ASIC2: variants seen among roughly 807,000 people sequenced by gnomAD.
ASIC2 encodes the protein acid-sensing ion channel 2.
In ASIC2, 25 loss-of-function variants were observed where a neutral mutation model predicts 57.3. The ratio of observed to expected loss-of-function variants is 0.44; its 90% CI spans 0.32 to 0.61. The LOEUF is 0.61. ASIC2 is among the 20% of genes least tolerant of loss of function. The probability of loss-of-function intolerance (pLI) is 0.06; values close to 1 mark genes in which losing one functional copy is unlikely to be tolerated. For missense variants in ASIC2, 641 were observed against 738.1 expected (o/e 0.87, Z 1.52); for synonymous variants, 319 against 307.5 (o/e 1.04, Z -0.39).
chr17:33,764,819 A>T lies in ASIC2; in HGVS notation c.555+391159T>A, dbSNP rs572783933. 9.2e-5 allele frequency among the ~76,000 whole-genome samples: 14 copies of T among 151,594 alleles called. No individual in the cohort carries two copies. The South Asian group carries it at 2.3e-3, about 25-fold the overall frequency. On this transcript the variant is annotated intron_variant, in intron 1 of 9. Transcript: ENST00000359872. ...TGGAGGGGACATTCGCACAATAGCA[A>T]TGGGTATGTAAGATGGAAACCAAGC...
chr17:33,573,576 G>GT (rs1202650601), intron 1 of ASIC2, among the ~76,000 whole-genome samples: 11 of 151,976 alleles, frequency 7.2e-5, no homozygotes, highest in Non-Finnish European at 1.5e-4. Flanking sequence ...GTTTTGTTTT[G>GT]TTTTTTCAAG....
chr17:34,014,776 G>C (rs542362790), intron 1 of ASIC2, among the ~76,000 whole-genome samples: 1 of 152,298 alleles, frequency 6.6e-6, no homozygotes. Context: ...ATGTTGCAAG[G>C]CTTAATGGGA....
intron 1 of ASIC2, among the ~76,000 whole-genome samples, chr17:34,018,678 T>C (rs1306345350): frequency 1.3e-5 from 2 of 152,198 alleles, no homozygotes; most frequent in Non-Finnish European, 2.9e-5. Flanking sequence ...CATGGGTGAC[T>C]GTGAGGGTTT....
rs533201860 is a variant in ASIC2, at chr17:33,416,235, A to G, written c.556-304168T>C. Among the ~76,000 whole-genome samples the G allele has an allele frequency of 9.2e-5, 14 of 152,350 alleles. No individual in the cohort carries two copies. The South Asian group carries it at 2.5e-3, about 27-fold the overall frequency. On this transcript the variant is annotated intron_variant, in intron 1 of 9. Transcript: ENST00000359872. Reference sequence around the variant, plus strand: ...GAGGCCAGAATCAAGGCTGAAGCTAAAACCACATGGATTTGGAAATCTTAA... The same window carrying G: ...GAGGCCAGAATCAAGGCTGAAGCTAGAACCACATGGATTTGGAAATCTTAA...
intron 1 of ASIC2, among the ~76,000 whole-genome samples, chr17:33,165,965 T>C (rs888573995): frequency 6.6e-6 from 1 of 152,114 alleles, no homozygotes; most frequent in Admixed American, 6.5e-5. Context: ...AAGATATACA[T>C]TAAAGAATAA....
At chr17:33,401,062 A>G (rs1910268613) in intron 1 of ASIC2, among the ~76,000 whole-genome samples, 1 of 152,180 alleles carries the variant, frequency 6.6e-6, no homozygotes, top group Non-Finnish European at 1.5e-5. Context: ...GGCCATGTGA[A>G]TGACATCGCC....
At chr17:33,262,912 G>A (rs1199389902) in intron 1 of ASIC2, among the ~76,000 whole-genome samples, 2 of 152,190 alleles carry the variant, frequency 1.3e-5, no homozygotes, top group African/African-American at 2.4e-5. Flanking sequence ...TAAGGCTGCC[G>A]TGGAATGAGG....
chr17:34,002,568 A>T (rs1906379832), intron 1 of ASIC2: 1 of 152,222 alleles, frequency 6.6e-6, no homozygotes, highest in African/African-American at 2.4e-5. Flanking sequence ...CTCTCCTCAA[A>T]GAGCTTAATT....
At chr17:33,772,557 A>G (rs79753203) in intron 1 of ASIC2, among the ~76,000 whole-genome samples, 10,297 of 152,310 alleles carry the variant, frequency 0.068, 458 homozygotes, top group East Asian at 0.21. Flanking sequence ...CCTTGGCCCC[A>G]CAATATGTAT....
chr17:33,111,972 C>T lies in ASIC2; in HGVS notation c.804G>A (p.Leu268=), dbSNP rs748092997. 5.0e-6 allele frequency: 8 copies of T among 1,614,018 alleles called. No homozygotes were observed. Among genetic ancestry groups the T allele is most frequent in the African/African-American group, 1.3e-5 (1 of 74,920 alleles). ...TTVKGGTGNG[L]EIMLDIQQDE... ...CCTGCTGAATGTCCAGCATGATCTC[C>T]AGCCCGTTGCCTGTCCCCCCCTTGA... Residue 268 remains leucine, a synonymous_variant, in exon 2 of 10, where the codon CTG becomes CTA. Coordinates refer to ENST00000225823, the MANE Select transcript of ASIC2 (RefSeq NM_183377.2).
chr17:34,151,794 T>C (rs1904536083), intron 1 of ASIC2, among the ~76,000 whole-genome samples: 1 of 152,178 alleles, frequency 6.6e-6, no homozygotes, highest in African/African-American at 2.4e-5. Flanking sequence ...AGGCCTACCC[T>C]GCTCTAGGCA....
intron 1 of ASIC2, among the ~76,000 whole-genome samples, chr17:33,359,566 G>A (rs1446735822): frequency 6.6e-6 from 1 of 152,124 alleles, no homozygotes; most frequent in Non-Finnish European, 1.5e-5. Context: ...GCAATGCTCA[G>A]GGCTCAAGAG....
intron 1 of ASIC2, among the ~76,000 whole-genome samples, chr17:33,819,718 G>C (rs1050901899): frequency 1.3e-5 from 2 of 152,194 alleles, no homozygotes; most frequent in Admixed American, 1.3e-4. Context: ...AGCAAACTTG[G>C]CTTTGAATCT....
intron 1 of ASIC2, among the ~76,000 whole-genome samples, chr17:33,423,759 T>C (rs753514372): frequency 3.9e-5 from 6 of 152,324 alleles, no homozygotes; most frequent in Admixed American, 2.6e-4. Context: ...CTCTTGTTCA[T>C]ATCCAGAACA....
At chr17:33,885,059 C>T (rs1289257079) in intron 1 of ASIC2, among the ~76,000 whole-genome samples, 2 of 152,144 alleles carry the variant, frequency 1.3e-5, no homozygotes, top group South Asian at 2.1e-4. Context: ...GCCCTTGCCC[C>T]CTACTTACCA....
At chr17:33,874,440 A>G (rs548375231) in intron 1 of ASIC2, among the ~76,000 whole-genome samples, 1 of 152,380 alleles carries the variant, frequency 6.6e-6, no homozygotes, top group Non-Finnish European at 1.5e-5. Context: ...CTGAAATTCA[A>G]ATTTAACTGG....
In ASIC2 at chr17:33,899,557, G is replaced by A. The variant is rs144460203; in HGVS notation, c.555+256421C>T. 3.3e-3 allele frequency among the ~76,000 whole-genome samples: 501 copies of A among 152,288 alleles called. 6 individuals are homozygous for A. The highest frequency in any genetic ancestry group is 0.012 in the African/African-American group (480 of 41,556). The stretch of plus-strand genomic sequence containing the variant: ...CAAAGCCTACAGGAGGAAGCCAGAG[G>A]AGGTAGACAGGACAAGGCTGGAGAG... On this transcript the variant is annotated intron_variant, in intron 1 of 9. Transcript: ENST00000359872.
chr17:33,894,032 G>A (rs1050803773), intron 1 of ASIC2, among the ~76,000 whole-genome samples: 2 of 151,268 alleles, frequency 1.3e-5, no homozygotes, highest in Non-Finnish European at 3.0e-5. Context: ...GAAGAATTTT[G>A]TTTTTAAAGC....
In ASIC2 at chr17:33,651,010, G is replaced by A. The variant is rs1338641476; in HGVS notation, c.555+504968C>T. Among the ~76,000 whole-genome samples, 4 of 152,164 alleles carry A rather than the reference G, an allele frequency of 2.6e-5. No homozygotes were observed. The East Asian group carries it at 7.7e-4, about 29-fold the overall frequency. ...GGTAAAAGGCATACAGGATCTCTCTGCATTATCTCTTATTATTTCTTATAG... is the reference window on the plus strand; with the variant it reads ...GGTAAAAGGCATACAGGATCTCTCTACATTATCTCTTATTATTTCTTATAG... On this transcript the variant is annotated intron_variant, in intron 1 of 9. Coordinates refer to the ASIC2 transcript ENST00000359872.
Sources: allele counts gnomAD v4.1 joint callset (sites outside exome capture counted in the v4.1 genomes callset), GRCh38; gene constraint gnomAD v4.1.1; transcripts MANE v1.5; gene names NCBI Gene and HGNC (gene_info 2026-07-23, HGNC 2026-07-21).